Variants in TG observed in about 807,000 individuals in gnomAD.
TG encodes thyroglobulin, also known as thyroid hormones.
Under a neutral mutation model 324.7 loss-of-function variants are expected in TG, and 270 were observed. That is an observed-to-expected ratio of 0.83 (90% CI 0.75 to 0.92). The LOEUF (loss-of-function observed/expected upper bound fraction) is 0.92, where lower values mean the gene tolerates loss of function less well. Among genes scored for constraint, TG ranks in the 40% least tolerant of loss-of-function variants. The probability of loss-of-function intolerance (pLI) is 0.00; values close to 1 mark genes in which losing one functional copy is unlikely to be tolerated. For missense variants in TG, 3,591 were observed against 3,456.4 expected (o/e 1.04, Z -0.98); for synonymous variants, 1,401 against 1,327.0 (o/e 1.06, Z -1.21).
At chr8:132,957,834 G>C (rs1458241961) in intron 27 of TG, among the ~76,000 whole-genome samples, 1 of 151,232 alleles carries the variant, frequency 6.6e-6, no homozygotes, top group Non-Finnish European at 1.5e-5. Flanking sequence ...GTGGTGTTTG[G>C]TTACATGAGT....
At position 132,888,197 on chromosome 8, in the gene TG, T is replaced by G. The variant is rs552553018; in HGVS notation, c.2390T>G (p.Leu797Arg). Residue 797 changes from leucine to arginine, a missense_variant, in exon 10 of 48, where the codon CTG (leucine) becomes CGG (arginine). Coordinates refer to ENST00000220616, the MANE Select transcript of TG (RefSeq NM_003235.5). The part of the protein sequence containing the change: ...RWEAQNKGQD[L>R]TPAKLLVKIM... The stretch of plus-strand genomic sequence containing the variant: ...GAGGCTCAGAACAAGGGCCAGGATC[T>G]GACGCCTGCCAAGCTGCTAGTGAAG... 1.1e-5 allele frequency: 18 copies of G among 1,614,212 alleles called. No individual in the cohort carries two copies. The African/African-American group carries it at 2.0e-4, about 18-fold the overall frequency.
chr8:132,889,326 T>G lies in TG; in HGVS notation c.2761+758T>G, dbSNP rs1046081225. On this transcript the variant is annotated intron_variant, in intron 10 of 47. Coordinates refer to ENST00000220616, the MANE Select transcript of TG (RefSeq NM_003235.5). ...TATAGGTGATATGACAGCTGTTCAG[T>G]AAAATCTCTCAATTCATTCTTTGCA... Among the ~76,000 whole-genome samples, 2 of 152,248 alleles carry G rather than the reference T, an allele frequency of 1.3e-5. 1 individual carries two copies. Among genetic ancestry groups the G allele is most frequent in the Non-Finnish European group, 2.9e-5 (2 of 68,040 alleles).
chr8:132,892,499 T>C (rs1035729224), intron 10 of TG, among the ~76,000 whole-genome samples: 1 of 152,258 alleles, frequency 6.6e-6, no homozygotes, highest in African/African-American at 2.4e-5. Context: ...GGAGCGAGTA[T>C]GAGCTATTAC....
chr8:133,095,240 A>G lies in TG; in HGVS notation c.7404+32A>G, dbSNP rs763683563. On this transcript the variant is annotated intron_variant, in intron 42 of 47. Coordinates refer to ENST00000220616, the MANE Select transcript of TG (RefSeq NM_003235.5). ...ACTTAAGTGCAAGTTGGGAAGGGAC[A>G]TTCTCTGGTCTTTTACAAATAGAAA... 3.7e-5 allele frequency: 59 copies of G among 1,614,034 alleles called. No individual in the cohort carries two copies. In the Admixed American group the frequency reaches 9.2e-4, roughly 25 times the overall value.
intron 41 of TG, among the ~76,000 whole-genome samples, chr8:133,035,642 T>C (rs1446389075): frequency 6.6e-6 from 1 of 152,228 alleles, no homozygotes; most frequent in East Asian, 1.9e-4. Context: ...GTTGCAATCA[T>C]TGTTTCTTCT....
rs1282455611 is a variant in TG, at chr8:132,887,497, G to T, written c.2125G>T (p.Glu709Ter). 1.9e-6 allele frequency: 3 copies of T among 1,614,074 alleles called. No homozygotes were observed. Among genetic ancestry groups the T allele is most frequent in the Non-Finnish European group, 2.5e-6 (3 of 1,180,058 alleles). ...FNSECYCVDA[E>*]GQAIPGTRSA... Reference sequence around the variant, plus strand: ...CTCAGAGTGCTACTGTGTTGATGCTGAGGGTCAGGCCATTCCTGGAACTCG... The same window carrying T: ...CTCAGAGTGCTACTGTGTTGATGCTTAGGGTCAGGCCATTCCTGGAACTCG... The change falls in exon 9 of 48, where the codon GAG (glutamate) becomes TAG (stop). Residue 709 changes from glutamate to a stop codon, truncating the protein, a stop_gained. Coordinates refer to ENST00000220616, the MANE Select transcript of TG (RefSeq NM_003235.5). LOFTEE classifies it high-confidence loss of function.
intron 41 of TG, chr8:133,045,034 G>C (rs1839050315): frequency 6.2e-6 from 10 of 1,614,182 alleles, no homozygotes; most frequent in Non-Finnish European, 8.5e-6. Context: ...GAGCCTCGGG[G>C]AAATGTAGTA....
At position 132,889,944 on chromosome 8, in the gene TG, T is replaced by A. The variant is rs1047681324; in HGVS notation, c.2761+1376T>A. Among the ~76,000 whole-genome samples the A allele has an allele frequency of 2.1e-5, 3 of 146,308 alleles. No individual in the cohort carries two copies. In the South Asian group the frequency reaches 6.5e-4, roughly 32 times the overall value. On this transcript the variant is annotated intron_variant, in intron 10 of 47. Coordinates refer to ENST00000220616, the MANE Select transcript of TG (RefSeq NM_003235.5). Reference sequence around the variant, plus strand: ...GGTGCCTGCCACCACACCCAGCTAATTTTTTTTTTGTACTTTTAGTAGAGA... The same window carrying A: ...GGTGCCTGCCACCACACCCAGCTAAATTTTTTTTTGTACTTTTAGTAGAGA...
chr8:133,009,748 T>C (rs930216258), intron 35 of TG, among the ~76,000 whole-genome samples: 1 of 151,700 alleles, frequency 6.6e-6, no homozygotes, highest in Admixed American at 6.6e-5. Context: ...TGCCATGTGA[T>C]GATACAGCAA....
intron 34 of TG, among the ~76,000 whole-genome samples, chr8:132,980,092 G>T (rs2130649747): frequency 6.6e-6 from 1 of 152,090 alleles, no homozygotes; most frequent in Non-Finnish European, 1.5e-5. Flanking sequence ...GCTGGGGAAG[G>T]AGCCTCTAAG....
chr8:133,095,115 A>G lies in TG; in HGVS notation c.7311A>G (p.Ala2437=), dbSNP rs1293767441. The part of the protein sequence containing the change: ...ERAQQQAIAL[A]KEVSCPMSSS... ...CTCAGCAGCAGGCAATTGCTTTGGCAAAGGAGGTCAGTTGCCCCATGTCAT... is the reference window on the plus strand; with the variant it reads ...CTCAGCAGCAGGCAATTGCTTTGGCGAAGGAGGTCAGTTGCCCCATGTCAT... Residue 2437 remains alanine (A), a synonymous_variant, in exon 42 of 48, where the codon GCA becomes GCG. Coordinates refer to ENST00000220616, the MANE Select transcript of TG (RefSeq NM_003235.5). 6.2e-7 allele frequency: 1 copy of G among 1,614,220 alleles called. No homozygotes were observed. The highest frequency in any genetic ancestry group is 8.5e-7 in the Non-Finnish European group (1 of 1,180,036).
intron 18 of TG, 42 bp from the exon 19 acceptor site, chr8:132,911,335 C>T: frequency 6.2e-7 from 1 of 1,614,140 alleles, no homozygotes; most frequent in Non-Finnish European, 8.5e-7. Flanking sequence ...AACTAGCTTT[C>T]TACTCTGTGT....
At chr8:133,049,862 G>C (rs771268381) in intron 41 of TG, 25 of 1,232,662 alleles carry the variant, frequency 2.0e-5, no homozygotes, top group Non-Finnish European at 2.9e-5. Context: ...ACCAGCATAC[G>C]CATCATGCTT....
At chr8:132,948,502 C>T (rs2130079149) in intron 26 of TG, among the ~76,000 whole-genome samples, 1 of 152,218 alleles carries the variant, frequency 6.6e-6, no homozygotes, top group South Asian at 2.1e-4. Context: ...GCTGTCAGTG[C>T]TATGGATGCC....
chr8:133,040,086 T>C, intron 41 of TG: 1 of 1,565,108 alleles, frequency 6.4e-7, no homozygotes, highest in Non-Finnish European at 8.7e-7. Flanking sequence ...GTGCTTTGTG[T>C]CAGGCAGGGC....
chr8:132,908,382 C>T, intron 18 of TG, 42 bp downstream of exon 18: 1 of 1,508,952 alleles, frequency 6.6e-7, no homozygotes, highest in African/African-American at 1.6e-5. Flanking sequence ...TTGGACTCAA[C>T]TCAGGGTTAC....
chr8:133,128,337 GCACACACACACACACACA>G lies in TG; in HGVS notation c.7863-3446_7863-3429del, dbSNP rs59451880. Among the ~76,000 whole-genome samples the G allele has an allele frequency of 1.7e-3, 234 of 133,802 alleles. 4 individuals carry two copies. The highest frequency in any genetic ancestry group is 8.8e-3 in the East Asian group (37 of 4,210). The allele number at this position is 133,802 out of a possible 152,430, so 87.8% of individuals were successfully genotyped here. A position where few individuals can be genotyped will look rare whatever the true frequency, so the allele number is the denominator to read the frequency against. On this transcript the variant is annotated intron_variant, in intron 45 of 47. Transcript: ENST00000220616. Reference sequence around the variant, plus strand: ...ATCCTGAAACTGAAACAAAAGGCGTGCACACACACACACACACACACACACACACACACACACACACAC... The same window carrying G: ...ATCCTGAAACTGAAACAAAAGGCGTGCACACACACACACACACACACACAC...
chr8:132,996,211 A>G (rs1299109985), intron 35 of TG, among the ~76,000 whole-genome samples: 1 of 152,134 alleles, frequency 6.6e-6, no homozygotes, highest in Non-Finnish European at 1.5e-5. Context: ...TGCAGTGTAA[A>G]TGAAAGTGTT....
At chr8:133,055,824 CCAGCAGCAGCAGCAG>C (rs36210010) in intron 41 of TG, among the ~76,000 whole-genome samples, 24 of 150,884 alleles carry the variant, frequency 1.6e-4, no homozygotes, top group African/African-American at 3.7e-4. Context: ...CTCCTCATCA[CCAGCAGCAGCAGCAG>C]CAGCAGCAGC....
Sources: allele counts gnomAD v4.1 joint callset (sites outside exome capture counted in the v4.1 genomes callset), GRCh38; gene constraint gnomAD v4.1.1; transcripts MANE v1.5; gene names NCBI Gene and HGNC (gene_info 2026-07-23, HGNC 2026-07-21).